Variants in LRMDA observed in about 807,000 individuals in gnomAD.
LRMDA encodes the protein leucine rich melanocyte differentiation associated.
In LRMDA, 18 loss-of-function variants were observed where a neutral mutation model predicts 29.8. The observed-to-expected ratio is 0.60, with a 90% CI of 0.42 to 0.90. LRMDA has a LOEUF of 0.90. Among genes scored for constraint, LRMDA ranks in the 40% least tolerant of loss-of-function variants. The probability of loss-of-function intolerance (pLI) is 0.00; values close to 1 mark genes in which losing one functional copy is unlikely to be tolerated. For missense variants in LRMDA, 273 were observed against 273.9 expected, an observed-to-expected ratio of 1.00 and a Z score of 0.02; for synonymous variants, 125 against 109.4, an observed-to-expected ratio of 1.14 and a Z score of -0.89.
chr10:76,252,411 A>G (rs1852502836), intron 5 of LRMDA, among the ~76,000 whole-genome samples: 1 of 152,200 alleles, frequency 6.6e-6, no homozygotes, highest in African/African-American at 2.4e-5. Context: ...AAAAAAAGCT[A>G]AGTTGACCAG....
chr10:75,788,265 A>G (rs919981982), intron 2 of LRMDA, among the ~76,000 whole-genome samples: 13 of 152,180 alleles, frequency 8.5e-5, no homozygotes, highest in African/African-American at 3.1e-4. Context: ...ACAAAAAGGA[A>G]CAGATTCAGC....
intron 5 of LRMDA, chr10:76,241,996 A>T (rs946370095): frequency 2.6e-5 from 4 of 152,200 alleles, no homozygotes; most frequent in African/African-American, 9.6e-5. Flanking sequence ...TGGCTTGATT[A>T]TTCTTATTGT....
At chr10:75,771,474 G>A (rs1329605887) in intron 2 of LRMDA, among the ~76,000 whole-genome samples, 1 of 152,126 alleles carries the variant, frequency 6.6e-6, no homozygotes, top group Non-Finnish European at 1.5e-5. Flanking sequence ...CACTGCCCTT[G>A]CCAGTGCTGC....
At chr10:76,235,773 G>C (rs1852141780) in intron 5 of LRMDA, among the ~76,000 whole-genome samples, 1 of 152,088 alleles carries the variant, frequency 6.6e-6, no homozygotes, top group Admixed American at 6.6e-5. Flanking sequence ...GACGAATAAG[G>C]GTTGTCTTCT....
chr10:76,041,007 G>A (rs945565381), intron 3 of LRMDA, among the ~76,000 whole-genome samples: 1 of 152,164 alleles, frequency 6.6e-6, no homozygotes, highest in African/African-American at 2.4e-5. Flanking sequence ...TCTTAGGAAC[G>A]ATTTGCTGTG....
intron 2 of LRMDA, among the ~76,000 whole-genome samples, chr10:75,992,958 T>C (rs1199741715): frequency 6.7e-6 from 1 of 149,676 alleles, no homozygotes; most frequent in Non-Finnish European, 1.5e-5. Flanking sequence ...TTAGGTTAAC[T>C]GTCAAATAAA....
chr10:76,262,067 T>TA (rs901625692), intron 5 of LRMDA, among the ~76,000 whole-genome samples: 14 of 150,934 alleles, frequency 9.3e-5, no homozygotes, highest in Admixed American at 2.6e-4. Flanking sequence ...ACCCCATCTC[T>TA]AAAAAAAAAT....
At chr10:76,504,698 G>A (rs75284046) in intron 6 of LRMDA, among the ~76,000 whole-genome samples, 2,126 of 152,040 alleles carry the variant, frequency 0.014, 59 homozygotes, top group African/African-American at 0.047. Flanking sequence ...ATGTCATTAC[G>A]TATGAGATGG....
At chr10:76,263,759 A>C (rs771776139) in intron 5 of LRMDA, among the ~76,000 whole-genome samples, 16 of 152,206 alleles carry the variant, frequency 1.1e-4, no homozygotes, top group Non-Finnish European at 2.1e-4. Flanking sequence ...GAAACAAAGA[A>C]ATAAATTGAT....
intron 2 of LRMDA, among the ~76,000 whole-genome samples, chr10:75,849,820 C>A (rs1258182626): frequency 1.3e-5 from 2 of 152,142 alleles, no homozygotes; most frequent in African/African-American, 4.8e-5. Context: ...TGAAGGAAAG[C>A]AAGATTGGAA....
At chr10:75,691,810 T>C (rs1216415076) in intron 2 of LRMDA, among the ~76,000 whole-genome samples, 1 of 152,154 alleles carries the variant, frequency 6.6e-6, no homozygotes. Context: ...AGACTGCTCA[T>C]CCTCCCTCCA....
In LRMDA at chr10:75,650,950, C is replaced by T. The variant is rs117515063; in HGVS notation, c.131+212456C>T. ...CCAGCATCAAAGGGCAGCCTACTCT[C>T]TCCTCAGGTCAGGGAAGCCTCTTTG... On this transcript the variant is annotated intron_variant, in intron 2 of 6. Coordinates refer to ENST00000611255, the MANE Select transcript of LRMDA (RefSeq NM_001305581.2). 1.1e-3 allele frequency among the ~76,000 whole-genome samples: 161 copies of T among 152,260 alleles called. 2 individuals carry two copies. Among genetic ancestry groups the T allele is most frequent in the Middle Eastern group, 3.4e-3 (1 of 294 alleles).
intron 2 of LRMDA, among the ~76,000 whole-genome samples, chr10:75,538,393 G>A (rs189664220): frequency 6.6e-6 from 1 of 152,292 alleles, no homozygotes; most frequent in Admixed American, 6.5e-5. Flanking sequence ...TGCCTAGTGA[G>A]TGAATGTAAG....
chr10:76,518,178 A>G (rs1272756594), intron 6 of LRMDA, among the ~76,000 whole-genome samples: 1 of 151,924 alleles, frequency 6.6e-6, no homozygotes, highest in Non-Finnish European at 1.5e-5. Context: ...CACATGTTTG[A>G]AGATATACCA....
intron 2 of LRMDA, among the ~76,000 whole-genome samples, chr10:76,034,269 C>T (rs1848201770): frequency 6.6e-6 from 1 of 152,144 alleles, no homozygotes; most frequent in African/African-American, 2.4e-5. Flanking sequence ...TACAGGCAGG[C>T]AATGTGTAAT....
chr10:75,925,574 A>G (rs1846106817), intron 2 of LRMDA, among the ~76,000 whole-genome samples: 1 of 62,766 alleles, frequency 1.6e-5, no homozygotes, highest in Admixed American at 1.7e-4. Context: ...CTTCTTTCCA[A>G]AGAGATAATT....
chr10:75,849,050 C>T (rs1844687898), intron 2 of LRMDA, among the ~76,000 whole-genome samples: 1 of 152,136 alleles, frequency 6.6e-6, no homozygotes, highest in Non-Finnish European at 1.5e-5. Context: ...CCTCTGGTAG[C>T]TTCTCTGGCA....
intron 2 of LRMDA, among the ~76,000 whole-genome samples, chr10:75,738,166 CT>C (rs553831839): frequency 9.4e-5 from 14 of 148,986 alleles, no homozygotes; most frequent in African/African-American, 1.2e-4. Context: ...ATTCTTCCTC[CT>C]TTTTTTTTTA....
intron 2 of LRMDA, among the ~76,000 whole-genome samples, chr10:75,953,082 A>C (rs1846605008): frequency 6.6e-6 from 1 of 151,738 alleles, no homozygotes; most frequent in Non-Finnish European, 1.5e-5. Context: ...AAATTATTTA[A>C]TTTTTTAAGA....
Sources: allele counts gnomAD v4.1 joint callset (sites outside exome capture counted in the v4.1 genomes callset), GRCh38; gene constraint gnomAD v4.1.1; transcripts MANE v1.5; gene names NCBI Gene and HGNC (gene_info 2026-07-23, HGNC 2026-07-21).